The following ABCA13 variants were observed in gnomAD, a reference collection of about 807,000 sequenced individuals.
ABCA13 encodes the protein ATP-binding cassette sub-family A member 13.
Under a neutral mutation model 478.7 loss-of-function variants are expected in ABCA13, and 476 were observed. That is an observed-to-expected ratio of 0.99 (90% CI 0.92 to 1.07). The LOEUF (loss-of-function observed/expected upper bound fraction) is 1.07. Ranked by LOEUF, ABCA13 falls within the 50% of genes least tolerant of loss-of-function variation. ABCA13 has a pLI of 0.00. For missense variants in ABCA13, 6,060 were observed against 5,910.6 expected, an observed-to-expected ratio of 1.03 and a Z score of -0.83; for synonymous variants, 2,252 against 2,158.9, an observed-to-expected ratio of 1.04 and a Z score of -1.20.
chr7:48,256,939 A>G (rs540292543), intron 15 of ABCA13, among the ~76,000 whole-genome samples: 24 of 152,306 alleles, frequency 1.6e-4, no homozygotes, highest in African/African-American at 5.5e-4. Flanking sequence ...CTTATCCATG[A>G]ACATGGGATG....
At chr7:48,379,043 A>T (rs1563153855) in intron 35 of ABCA13, among the ~76,000 whole-genome samples, 1 of 152,254 alleles carries the variant, frequency 6.6e-6, no homozygotes, top group Non-Finnish European at 1.5e-5. Flanking sequence ...TTAGGAAAAA[A>T]GATCAGAGTC....
intron 19 of ABCA13, among the ~76,000 whole-genome samples, chr7:48,284,101 C>A (rs570967071): frequency 1.7e-4 from 26 of 152,264 alleles, no homozygotes; most frequent in Admixed American, 1.2e-3. Context: ...GCTTAGAGGG[C>A]TAGTTCATAA....
chr7:48,240,278 A>G (rs555228188), intron 9 of ABCA13, among the ~76,000 whole-genome samples: 77 of 152,342 alleles, frequency 5.1e-4, no homozygotes, highest in South Asian at 1.9e-3. Flanking sequence ...GGTCTAGTGG[A>G]CACACTTGCT....
intron 1 of ABCA13, among the ~76,000 whole-genome samples, chr7:48,175,474 G>A (rs998596915): frequency 1.3e-5 from 2 of 152,194 alleles, no homozygotes; most frequent in Admixed American, 6.5e-5. Flanking sequence ...AGGCTGGAGT[G>A]CAATGGTGTG....
At chr7:48,584,889 G>A (rs959070209) in intron 56 of ABCA13, among the ~76,000 whole-genome samples, 2 of 152,138 alleles carry the variant, frequency 1.3e-5, no homozygotes, top group African/African-American at 4.8e-5. Context: ...ATGACATTAA[G>A]TAAGGACTTT....
At chr7:48,374,584 G>A (rs1027500570) in intron 34 of ABCA13, among the ~76,000 whole-genome samples, 168 bp downstream of exon 34, 1 of 152,176 alleles carries the variant, frequency 6.6e-6, no homozygotes, top group Non-Finnish European at 1.5e-5. Context: ...CTATCTGGTA[G>A]CACCAGTTTT....
intron 1 of ABCA13, among the ~76,000 whole-genome samples, chr7:48,175,814 T>C (rs1040734804): frequency 6.6e-5 from 10 of 152,180 alleles, no homozygotes; most frequent in African/African-American, 2.4e-4. Flanking sequence ...TTGTATCCTT[T>C]AATAAATCTA....
intron 43 of ABCA13, among the ~76,000 whole-genome samples, chr7:48,455,982 A>G (rs1340305284): frequency 1.3e-5 from 2 of 151,958 alleles, no homozygotes; most frequent in Non-Finnish European, 2.9e-5. Context: ...GATTCAGGAG[A>G]ATCTGTGCAG....
intron 55 of ABCA13, among the ~76,000 whole-genome samples, chr7:48,578,475 A>G (rs578198455): frequency 6.6e-6 from 1 of 152,338 alleles, no homozygotes; most frequent in South Asian, 2.1e-4. Flanking sequence ...TTACATTAAC[A>G]ATCCCCAAAA....
At chr7:48,414,294 C>A (rs1241868099) in intron 41 of ABCA13, among the ~76,000 whole-genome samples, 1 of 152,086 alleles carries the variant, frequency 6.6e-6, no homozygotes, top group Non-Finnish European at 1.5e-5. Context: ...CACTCTGAAG[C>A]TTTTCTTCGT....
chr7:48,609,528 AGC>A lies in ABCA13; in HGVS notation c.14745-5756_14745-5755del, dbSNP rs148113110. Among the ~76,000 whole-genome samples the A allele has an allele frequency of 7.6e-3, 1,150 of 152,282 alleles. 32 individuals are homozygous for A. The highest frequency in any genetic ancestry group is 0.063 in the East Asian group (327 of 5,182). ...TCCTTACCCCAGGGAATCTTGGTAA[AGC>A]ATGGAGCAGGAAACTGAGGATAAGA... On this transcript the variant is annotated intron_variant, in intron 58 of 61. Coordinates refer to ENST00000435803, the MANE Select transcript of ABCA13 (RefSeq NM_152701.5).
chr7:48,418,657 T>A (rs1228962111), intron 41 of ABCA13, among the ~76,000 whole-genome samples: 4 of 152,212 alleles, frequency 2.6e-5, no homozygotes, highest in African/African-American at 7.2e-5. Flanking sequence ...AATCATATAA[T>A]TAAACTGAGT....
At chr7:48,477,404 G>A (rs1240183455) in intron 45 of ABCA13, among the ~76,000 whole-genome samples, 1 of 151,946 alleles carries the variant, frequency 6.6e-6, no homozygotes, top group Admixed American at 6.6e-5. Context: ...ATACCCAAAG[G>A]ACTATAAATC....
At chr7:48,347,782 T>C (rs1808338281) in intron 29 of ABCA13, among the ~76,000 whole-genome samples, 1 of 152,218 alleles carries the variant, frequency 6.6e-6, no homozygotes, top group South Asian at 2.1e-4. Flanking sequence ...GGAGTTTGTC[T>C]CCTCCTCTAC....
chr7:48,556,430 G>A (rs1267099794), intron 55 of ABCA13, among the ~76,000 whole-genome samples: 1 of 151,786 alleles, frequency 6.6e-6, no homozygotes, highest in Non-Finnish European at 1.5e-5. Flanking sequence ...GTTATATTGA[G>A]GTCTATCTCT....
At position 48,172,792 on chromosome 7, in the gene ABCA13, C is replaced by A. The variant is rs1227160318; in HGVS notation, c.69+1240C>A. Among the ~76,000 whole-genome samples the A allele has an allele frequency of 4.6e-5, 4 of 86,728 alleles. No individual in the cohort carries two copies. In the East Asian group the frequency reaches 1.3e-3, roughly 29 times the overall value. 56.9% of individuals were successfully genotyped at this position (86,728 alleles called of 152,430 possible). On this transcript the variant is annotated intron_variant, in intron 1 of 61. Coordinates refer to ENST00000435803, the MANE Select transcript of ABCA13 (RefSeq NM_152701.5). ...CAGCCTGGGCGACAGAGCGAGACTC[C>A]GTCTCAAAAAAAAAAAAAAAAAAAA... is the stretch of plus-strand genomic sequence containing the variant.
At chr7:48,366,131 C>A (rs986326584) in intron 31 of ABCA13, among the ~76,000 whole-genome samples, 1 of 152,182 alleles carries the variant, frequency 6.6e-6, no homozygotes, top group Non-Finnish European at 1.5e-5. Context: ...GCTTTAGTCT[C>A]CATTTTATTT....
Position 48,273,175 on chromosome 7 carries a change from A to T in ABCA13, c.3509A>T (p.Asn1170Ile). ...TISQLFKFDM[N>I]VFTSLHHGFT... The stretch of plus-strand genomic sequence containing the variant: ...TCTCAATTATTTAAGTTTGACATGA[A>T]TGTTTTCACATCTCTTCATCATGGT... Residue 1170 changes from asparagine (N) to isoleucine (I), a missense_variant, in exon 17 of 62, where the codon AAT (asparagine) becomes ATT (isoleucine). By Grantham distance (149) the Asn-to-Ile change is moderately radical. Transcript: ENST00000435803. 1 of 1,613,712 alleles carries T rather than the reference A, an allele frequency of 6.2e-7. No individual in the cohort carries two copies. The highest frequency in any genetic ancestry group is 1.1e-5 in the South Asian group (1 of 91,080).
intron 1 of ABCA13, among the ~76,000 whole-genome samples, chr7:48,172,771 C>G (rs182831361): frequency 1.5e-5 from 2 of 131,000 alleles, no homozygotes; most frequent in South Asian, 2.5e-4. Flanking sequence ...GCACTCCAGC[C>G]TGGGCGACAG....
Sources: gnomAD v4.1 joint callset for allele counts (sites outside exome capture counted in the v4.1 genomes callset) on GRCh38, gnomAD v4.1.1 for gene constraint, MANE v1.5 for transcripts, NCBI Gene and HGNC (gene_info 2026-07-23, HGNC 2026-07-21) for gene names.